The following GHR variants were observed in gnomAD, a reference collection of about 807,000 sequenced individuals.
The protein encoded by GHR is growth hormone receptor, also known as GH receptor.
In GHR, 35 loss-of-function variants were observed where a neutral mutation model predicts 67.1. The ratio of observed to expected loss-of-function variants is 0.52; its 90% CI spans 0.40 to 0.69. The LOEUF (loss-of-function observed/expected upper bound fraction) is 0.69. Ranked by LOEUF, GHR falls within the 30% of genes least tolerant of loss-of-function variation. The pLI is 0.00. For synonymous variants in GHR, 272 were observed against 269.1 expected (o/e 1.01, Z -0.10); for missense variants, 792 against 764.6 (o/e 1.04, Z -0.42).
At chr5:42,703,014 T>A (rs1192709995) in intron 6 of GHR, among the ~76,000 whole-genome samples, 1 of 152,040 alleles carries the variant, frequency 6.6e-6, no homozygotes, top group South Asian at 2.1e-4. Flanking sequence ...AGTGTCTTTT[T>A]ACTCTGTTGA....
chr5:42,473,315 C>T (rs565294134), intron 1 of GHR, among the ~76,000 whole-genome samples: 3 of 152,272 alleles, frequency 2.0e-5, no homozygotes, highest in Admixed American at 1.3e-4. Flanking sequence ...CCTGCAACCT[C>T]CGCCTCCCAG....
intron 2 of GHR, among the ~76,000 whole-genome samples, chr5:42,605,190 G>A (rs146457813): frequency 2.7e-5 from 4 of 145,484 alleles, no homozygotes; most frequent in Admixed American, 7.1e-5. Context: ...TCCACGTCCC[G>A]GGTTCAAGTG....
chr5:42,661,791 T>C (rs1200580668), intron 3 of GHR, among the ~76,000 whole-genome samples: 2 of 152,132 alleles, frequency 1.3e-5, no homozygotes, highest in Non-Finnish European at 2.9e-5. Flanking sequence ...AATGCTCCAA[T>C]TAAAAGACAC....
intron 8 of GHR, among the ~76,000 whole-genome samples, chr5:42,715,598 T>C (rs187800866): frequency 2.6e-5 from 4 of 152,294 alleles, no homozygotes; most frequent in African/African-American, 9.6e-5. Flanking sequence ...CTGTTACCAA[T>C]TGAGGAAAGA....
chr5:42,613,616 A>T (rs893409189), intron 2 of GHR, among the ~76,000 whole-genome samples: 1 of 152,160 alleles, frequency 6.6e-6, no homozygotes, highest in Admixed American at 6.5e-5. Flanking sequence ...CTTTGACATT[A>T]TGTTGACATA....
At chr5:42,584,525 C>A (rs1026253033) in intron 2 of GHR, among the ~76,000 whole-genome samples, 3 of 152,158 alleles carry the variant, frequency 2.0e-5, no homozygotes, top group African/African-American at 7.2e-5. Flanking sequence ...CCGACATAAA[C>A]CGTGTGTGTG....
Position 42,720,329 on chromosome 5 carries a change from G to T in GHR, c.*905G>T, listed in dbSNP as rs1241455129. Reference sequence around the variant, plus strand: ...AGAAAACCTTTCTTCACCAAATCTTGGTTGATGCCAAAAAAAAATACATGC... The same window carrying T: ...AGAAAACCTTTCTTCACCAAATCTTTGTTGATGCCAAAAAAAAATACATGC... On this transcript the variant is annotated 3_prime_UTR_variant, in exon 10 of 10. Coordinates refer to ENST00000230882, the MANE Select transcript of GHR (RefSeq NM_000163.5). The T allele has an allele frequency of 6.6e-6, 1 of 152,172 alleles. No homozygotes were observed. The highest frequency in any genetic ancestry group is 6.5e-5 in the Admixed American group (1 of 15,278). 9.4% of individuals were successfully genotyped at this position (152,172 alleles called of 1,614,324 possible).
chr5:42,588,693 C>G (rs527484994), intron 2 of GHR, among the ~76,000 whole-genome samples: 159 of 151,790 alleles, frequency 1.0e-3, no homozygotes, highest in South Asian at 3.5e-3. Context: ...CCTTTTTTTC[C>G]TCCATAACTG....
Position 42,717,902 on chromosome 5 carries a change from T to C in GHR, c.876-150T>C, listed in dbSNP as rs372110142. ...TTCTTTCTCATTTACTGTCTAATATTTTCTTCTGTTTCTCACACTCCAATT... is the reference window on the plus strand; with the variant it reads ...TTCTTTCTCATTTACTGTCTAATATCTTCTTCTGTTTCTCACACTCCAATT... On this transcript the variant is annotated intron_variant, in intron 8 of 9. Transcript: ENST00000230882. 1.0e-4 allele frequency: 60 copies of C among 575,898 alleles called. No individual in the cohort carries two copies. In the East Asian group the frequency reaches 1.7e-3, roughly 16 times the overall value. The allele number at this position is 575,898 out of a possible 1,614,324, so 35.7% of individuals were successfully genotyped here. A position where few individuals can be genotyped will look rare whatever the true frequency, so the allele number is the denominator to read the frequency against.
intron 1 of GHR, among the ~76,000 whole-genome samples, chr5:42,500,872 A>C (rs1263053693): frequency 6.6e-6 from 1 of 152,228 alleles, no homozygotes; most frequent in Non-Finnish European, 1.5e-5. Context: ...TGATTAAATT[A>C]AGTTCAGTAT....
At chr5:42,575,046 G>A (rs1157550476) in intron 2 of GHR, among the ~76,000 whole-genome samples, 1 of 127,248 alleles carries the variant, frequency 7.9e-6, no homozygotes, top group Non-Finnish European at 1.6e-5. Context: ...AAATTCCTCT[G>A]GTACTTATCC....
At chr5:42,658,940 G>A (rs552561814) in intron 3 of GHR, among the ~76,000 whole-genome samples, 10 of 152,284 alleles carry the variant, frequency 6.6e-5, no homozygotes, top group Admixed American at 3.9e-4. Flanking sequence ...AGGTTATGAA[G>A]AGAGTTGTCT....
intron 1 of GHR, chr5:42,466,816 A>C (rs1744753019): frequency 9.1e-7 from 1 of 1,095,138 alleles, no homozygotes; most frequent in Non-Finnish European, 1.3e-6. Flanking sequence ...AGAAGAAAAC[A>C]GCAAAGAGGT....
At chr5:42,682,992 G>GT (rs796935034) in intron 3 of GHR, among the ~76,000 whole-genome samples, 228 of 151,490 alleles carry the variant, frequency 1.5e-3, no homozygotes, top group African/African-American at 4.9e-3. Flanking sequence ...TTCCTCAAAG[G>GT]TTTTTTTTAT....
Position 42,555,015 on chromosome 5 carries a change from T to G in GHR, c.-11-10849T>G, listed in dbSNP as rs115533207. 2.9e-3 allele frequency among the ~76,000 whole-genome samples: 445 copies of G among 152,300 alleles called. 4 individuals carry two copies. Among genetic ancestry groups the G allele is most frequent in the African/African-American group, 0.01 (427 of 41,566 alleles). ...CAAGTCCAAGCTATTACACCTCCTT[T>G]GATCCTGAAGAGTGAAGGGGTACAC... is the stretch of plus-strand genomic sequence containing the variant. On this transcript the variant is annotated intron_variant, in intron 1 of 9. Coordinates refer to ENST00000230882, the MANE Select transcript of GHR (RefSeq NM_000163.5).
chr5:42,674,257 T>G (rs1756459718), intron 3 of GHR, among the ~76,000 whole-genome samples: 1 of 152,206 alleles, frequency 6.6e-6, no homozygotes, highest in Non-Finnish European at 1.5e-5. Context: ...AAAGTGACTG[T>G]CCAATAGAGG....
chr5:42,589,902 A>T (rs1751683628), intron 2 of GHR, among the ~76,000 whole-genome samples: 1 of 152,264 alleles, frequency 6.6e-6, no homozygotes, highest in African/African-American at 2.4e-5. Flanking sequence ...GATGGCGGTG[A>T]GAAATTCACA....
intron 1 of GHR, among the ~76,000 whole-genome samples, chr5:42,471,245 G>A (rs776632926): frequency 3.9e-5 from 6 of 152,022 alleles, no homozygotes; most frequent in Admixed American, 2.0e-4. Context: ...GGTCCTTAAC[G>A]TTTCAGGTAA....
intron 2 of GHR, among the ~76,000 whole-genome samples, chr5:42,576,166 G>T: frequency 7.4e-6 from 1 of 134,916 alleles, no homozygotes; most frequent in African/African-American, 2.7e-5. Context: ...TAAAATAAAG[G>T]CAAAGAGATC....
Sources: allele counts gnomAD v4.1 joint callset (sites outside exome capture counted in the v4.1 genomes callset), GRCh38; gene constraint gnomAD v4.1.1; transcripts MANE v1.5; gene names NCBI Gene and HGNC (gene_info 2026-07-23, HGNC 2026-07-21).